Variants in MYO5B observed in about 807,000 individuals in gnomAD.
The protein encoded by MYO5B is myosin VB, also known as unconventional myosin-Vb.
A neutral mutation model predicts 229.3 loss-of-function variants in MYO5B; 143 were observed. That is an observed-to-expected ratio of 0.62 (90% CI 0.54 to 0.72). The LOEUF (loss-of-function observed/expected upper bound fraction) is 0.72. Among genes scored for constraint, MYO5B ranks in the 30% least tolerant of loss-of-function variants. MYO5B has a pLI of 0.00. For missense variants in MYO5B, 2,321 were observed against 2,331.0 expected, an observed-to-expected ratio of 1.00 and a Z score of 0.09; for synonymous variants, 918 against 885.2, an observed-to-expected ratio of 1.04 and a Z score of -0.66.
chr18:49,870,508 G>A lies in MYO5B; in HGVS notation c.3603+1659C>T, dbSNP rs2024444905. ...TAAAAAGATGACCCACAGAATGGGA[G>A]AAACTATTTGCCAATCATGTATCTG... On this transcript the variant is annotated intron_variant, in intron 27 of 39. Coordinates refer to ENST00000285039, the MANE Select transcript of MYO5B (RefSeq NM_001080467.3). Among the ~76,000 whole-genome samples, 4 of 152,206 alleles carry A rather than the reference G, an allele frequency of 2.6e-5. 1 individual carries two copies. The South Asian group carries it at 8.3e-4, about 31-fold the overall frequency.
chr18:49,907,188 G>A (rs921742143), intron 18 of MYO5B, among the ~76,000 whole-genome samples: 9 of 152,092 alleles, frequency 5.9e-5, no homozygotes, highest in Admixed American at 3.3e-4. Flanking sequence ...TTGGTGGGAG[G>A]AGCCAATCAC....
rs569994634 is a variant in MYO5B at position 50,176,221 on chromosome 18, A to G, written c.27+18546T>C. 4.6e-5 allele frequency among the ~76,000 whole-genome samples: 7 copies of G among 152,312 alleles called. No homozygotes were observed. The South Asian group carries it at 1.0e-3, about 23-fold the overall frequency. On this transcript the variant is annotated intron_variant, in intron 1 of 39. Transcript: ENST00000285039. ...GTCAATATTAAAGCAAAAATCATGCAGCACCCAAATTACCCTTGGAAATCC... is the reference window on the plus strand; with the variant it reads ...GTCAATATTAAAGCAAAAATCATGCGGCACCCAAATTACCCTTGGAAATCC...
intron 16 of MYO5B, among the ~76,000 whole-genome samples, chr18:49,931,883 C>A (rs776224400): frequency 1.8e-4 from 28 of 152,232 alleles, no homozygotes; most frequent in Non-Finnish European, 3.4e-4. Flanking sequence ...CCCAGGCACT[C>A]TGCCCCTGCC....
At chr18:49,990,260 A>G (rs1175165517) in intron 7 of MYO5B, among the ~76,000 whole-genome samples, 179 bp downstream of exon 7, 1 of 152,172 alleles carries the variant, frequency 6.6e-6, no homozygotes, top group Non-Finnish European at 1.5e-5. Flanking sequence ...GACTGCATAC[A>G]ATTAACCCTC....
At chr18:49,893,677 T>C (rs1346299879) in intron 22 of MYO5B, among the ~76,000 whole-genome samples, 6 of 152,202 alleles carry the variant, frequency 3.9e-5, no homozygotes, top group Admixed American at 3.9e-4. Flanking sequence ...TCTCCACACC[T>C]GGATCCCACC....
intron 1 of MYO5B, among the ~76,000 whole-genome samples, chr18:50,078,936 T>C (rs1183538999): frequency 1.3e-5 from 2 of 152,222 alleles, no homozygotes; most frequent in Non-Finnish European, 2.9e-5. Context: ...CACCACTACA[T>C]GTGACAGCAA....
intron 14 of MYO5B, among the ~76,000 whole-genome samples, chr18:49,948,827 C>G (rs754955260): frequency 6.6e-6 from 1 of 152,088 alleles, no homozygotes; most frequent in Non-Finnish European, 1.5e-5. Context: ...TCCTGCGACT[C>G]CTGTGCTGTA....
At position 49,904,769 on chromosome 18, in the gene MYO5B, A is replaced by AT; in HGVS notation, c.2473dup (p.Met825AsnfsTer85). 1.9e-6 allele frequency: 3 copies of AT among 1,613,990 alleles called. No homozygotes were observed. The highest frequency in any genetic ancestry group is 2.5e-6 in the Non-Finnish European group (3 of 1,180,018). Reference sequence around the variant, plus strand: ...CTGGTAGGCCTGGCGGGCCCTCTGCATGCGGTAATGTTTCTGGAGCACCAC... The same window carrying AT: ...CTGGTAGGCCTGGCGGGCCCTCTGCATTGCGGTAATGTTTCTGGAGCACCAC... On this transcript the variant is annotated frameshift_variant, in exon 20 of 40. Coordinates refer to ENST00000285039, the MANE Select transcript of MYO5B (RefSeq NM_001080467.3). LOFTEE classifies it high-confidence loss of function.
chr18:49,984,114 T>A (rs2025844866), intron 8 of MYO5B, among the ~76,000 whole-genome samples: 1 of 152,184 alleles, frequency 6.6e-6, no homozygotes, highest in Non-Finnish European at 1.5e-5. Flanking sequence ...ACCTTCTACT[T>A]TACCGCTTCT....
At chr18:50,092,837 G>T (rs139091416) in intron 1 of MYO5B, among the ~76,000 whole-genome samples, 57 of 152,248 alleles carry the variant, frequency 3.7e-4, no homozygotes, top group African/African-American at 1.3e-3. Flanking sequence ...TGTCAAGAGT[G>T]TTAGACTCCA....
chr18:50,107,091 C>T (rs117681409), intron 1 of MYO5B, among the ~76,000 whole-genome samples: 2,693 of 141,852 alleles, frequency 0.019, 58 homozygotes, highest in Non-Finnish European at 0.025. Context: ...TCCAGGGTTT[C>T]CTAATGCCTT....
intron 1 of MYO5B, among the ~76,000 whole-genome samples, chr18:50,173,896 C>A (rs1452537697): frequency 6.6e-6 from 1 of 152,198 alleles, no homozygotes; most frequent in Non-Finnish European, 1.5e-5. Flanking sequence ...GTCAAACTGA[C>A]TGAGCCAAAG....
At chr18:49,837,112 G>C (rs1480096785) in intron 37 of MYO5B, among the ~76,000 whole-genome samples, 2 of 152,298 alleles carry the variant, frequency 1.3e-5, no homozygotes, top group East Asian at 3.9e-4. Context: ...TACCTGAAGT[G>C]TCTACATAAG....
chr18:49,965,936 C>A (rs2025620110), intron 10 of MYO5B, among the ~76,000 whole-genome samples: 1 of 152,184 alleles, frequency 6.6e-6, no homozygotes, highest in Non-Finnish European at 1.5e-5. Flanking sequence ...CATGTCTCTA[C>A]CCTTTCCATT....
In MYO5B at chr18:49,953,288, T is replaced by A; in HGVS notation, c.1724A>T (p.Glu575Val). The stretch of plus-strand genomic sequence containing the variant: ...GCTGGCCTTCAGGATATTGATCTGC[T>A]CTTCATACACCGTGTCTCTGTTTTT... ...LEKNRDTVYE[E>V]QINILKASKF... Residue 575 changes from glutamate to valine, a missense_variant, in exon 14 of 40, where the codon GAG becomes GTG. Around this residue, in one of 2 missense-constraint regions of MYO5B, gnomAD observed 2,113 missense variants for 2,044.7 expected, o/e 1.03. Transcript: ENST00000285039. 6.2e-7 allele frequency: 1 copy of A among 1,614,136 alleles called. No homozygotes were observed.
rs570849955 is a variant in MYO5B, at chr18:50,089,575, C to CAA, written c.28-34199_28-34198dup. ...CAATAAAGTGAGACCTCATCTCTAC[C>CAA]AAAAAAAAAAAAAAAATCAAAAAAT... On this transcript the variant is annotated intron_variant, in intron 1 of 39. Coordinates refer to ENST00000285039, the MANE Select transcript of MYO5B (RefSeq NM_001080467.3). Among the ~76,000 whole-genome samples, 393 of 123,972 alleles carry CAA rather than the reference C, an allele frequency of 3.2e-3. 4 individuals are homozygous for CAA. The highest frequency in any genetic ancestry group is 0.011 in the African/African-American group (377 of 35,194). 81.3% of individuals were successfully genotyped at this position (123,972 alleles called of 152,430 possible).
chr18:50,111,937 C>T (rs1159594244), intron 1 of MYO5B, among the ~76,000 whole-genome samples: 3 of 152,180 alleles, frequency 2.0e-5, no homozygotes, highest in Non-Finnish European at 4.4e-5. Flanking sequence ...GCCAGGCAAG[C>T]TCTGAGCACT....
chr18:50,109,145 A>C (rs1474741882), intron 1 of MYO5B, among the ~76,000 whole-genome samples: 1 of 152,194 alleles, frequency 6.6e-6, no homozygotes, highest in Non-Finnish European at 1.5e-5. Context: ...CCACTGAAGA[A>C]CCACGATAAG....
chr18:49,886,894 T>C (rs531450095), intron 22 of MYO5B, among the ~76,000 whole-genome samples: 1 of 152,308 alleles, frequency 6.6e-6, no homozygotes, highest in African/African-American at 2.4e-5. Context: ...CCAGGAGCCT[T>C]GCCAGGGCTG....
Sources: gnomAD v4.1 joint callset for allele counts (sites outside exome capture counted in the v4.1 genomes callset) on GRCh38, gnomAD v4.1.1 for gene constraint, gnomAD v4.1.1 regional missense constraint, MANE v1.5 for transcripts, NCBI Gene and HGNC (gene_info 2026-07-23, HGNC 2026-07-21) for gene names.